Variants in GASK1A observed in about 807,000 individuals in gnomAD.
GASK1A encodes the protein golgi associated kinase 1A, also known as Golgi-associated kinase 1A.
GASK1A carries 40 observed loss-of-function variants against 41.2 expected under a neutral mutation model. That is an observed-to-expected ratio of 0.97 (90% CI 0.75 to 1.27). The LOEUF (loss-of-function observed/expected upper bound fraction) is 1.27. Ranked by LOEUF, GASK1A falls within the 50% of genes most tolerant of loss-of-function variation. The pLI is 0.00. For missense variants in GASK1A, 678 were observed against 745.1 expected (o/e 0.91, Z 1.05); for synonymous variants, 316 against 307.1 (o/e 1.03, Z -0.30).
At chr3:42,983,125 T>C (rs1243030571) in intron 1 of GASK1A, among the ~76,000 whole-genome samples, 1 of 152,132 alleles carries the variant, frequency 6.6e-6, no homozygotes, top group African/African-American at 2.4e-5. Context: ...AGGAAAGGCC[T>C]GGGGTTTGCA....
intron 1 of GASK1A, among the ~76,000 whole-genome samples, chr3:42,996,892 T>C (rs1398086589): frequency 1.3e-5 from 2 of 152,244 alleles, no homozygotes; most frequent in African/African-American, 4.8e-5. Flanking sequence ...ACTTGTGGTC[T>C]CCTTGGAGAA....
chr3:43,026,226 C>T (rs9311333), intron 1 of GASK1A, among the ~76,000 whole-genome samples: 85,586 of 152,012 alleles, frequency 0.56, 24,436 homozygotes, highest in South Asian at 0.69. Flanking sequence ...AGAGCCATGC[C>T]AACAAGCCAT....
At chr3:43,044,781 T>A (rs551580408) in intron 2 of GASK1A, among the ~76,000 whole-genome samples, 1 of 152,288 alleles carries the variant, frequency 6.6e-6, no homozygotes, top group South Asian at 2.1e-4. Context: ...GACATCTAAA[T>A]TTACATGAAA....
intron 2 of GASK1A, among the ~76,000 whole-genome samples, chr3:43,050,123 G>T (rs2089682293): frequency 6.6e-6 from 1 of 151,434 alleles, no homozygotes; most frequent in Admixed American, 6.6e-5. Flanking sequence ...GAGCTTTTTA[G>T]TTCTTGACAT....
At chr3:43,023,006 A>G (rs2089529651) in intron 1 of GASK1A, among the ~76,000 whole-genome samples, 1 of 152,186 alleles carries the variant, frequency 6.6e-6, no homozygotes, top group Non-Finnish European at 1.5e-5. Context: ...TGCTGAAAAT[A>G]ATTACCATGT....
intron 1 of GASK1A, among the ~76,000 whole-genome samples, chr3:43,011,032 T>C (rs1433417464): frequency 2.0e-5 from 3 of 152,176 alleles, no homozygotes; most frequent in Non-Finnish European, 4.4e-5. Context: ...ATCTATAGTG[T>C]TTTTAACTGT....
chr3:43,009,034 G>T (rs2089449795), intron 1 of GASK1A, among the ~76,000 whole-genome samples: 2 of 152,134 alleles, frequency 1.3e-5, no homozygotes, highest in South Asian at 4.1e-4. Flanking sequence ...TGTATGCAAG[G>T]CTCTGTTCTC....
intron 1 of GASK1A, among the ~76,000 whole-genome samples, chr3:42,983,554 G>A (rs563950949): frequency 1.8e-4 from 27 of 152,302 alleles, no homozygotes; most frequent in African/African-American, 6.5e-4. Flanking sequence ...GCTGCTGACT[G>A]GATGAGAATG....
intron 1 of GASK1A, among the ~76,000 whole-genome samples, chr3:42,999,500 G>A (rs2089397069): frequency 6.6e-6 from 1 of 152,206 alleles, no homozygotes; most frequent in Admixed American, 6.5e-5. Flanking sequence ...TCAGTGGCTG[G>A]CTCTCTCGCA....
chr3:42,997,469 G>A (rs2089383011), intron 1 of GASK1A, among the ~76,000 whole-genome samples: 3 of 151,762 alleles, frequency 2.0e-5, no homozygotes, highest in Admixed American at 6.6e-5. Context: ...TTAGAAATGG[G>A]GATAATCATA....
chr3:42,994,065 C>T (rs2089356663), intron 1 of GASK1A, among the ~76,000 whole-genome samples: 1 of 152,224 alleles, frequency 6.6e-6, no homozygotes, highest in Non-Finnish European at 1.5e-5. Context: ...CCTCCAGCCA[C>T]AAATGTGATG....
chr3:42,996,765 A>G (rs1028459138), intron 1 of GASK1A, among the ~76,000 whole-genome samples: 1 of 152,258 alleles, frequency 6.6e-6, no homozygotes, highest in East Asian at 1.9e-4. Flanking sequence ...GAGAAAGGTC[A>G]TGGTCCTGTG....
At position 43,043,388 on chromosome 3, in the gene GASK1A, A is replaced by G. The variant is rs2089647307; in HGVS notation, c.1290+9835A>G. Among the ~76,000 whole-genome samples, 8 of 152,328 alleles carry G rather than the reference A, an allele frequency of 5.3e-5. No homozygotes were observed. In the South Asian group the frequency reaches 1.7e-3, roughly 32 times the overall value. On this transcript the variant is annotated intron_variant, in intron 2 of 4. Transcript: ENST00000430121. ...GTATCCCTTCTTGGCAGACTGCAGTATCTTTTCCCATCCAGATGTCCTGTT... is the reference window on the plus strand; with the variant it reads ...GTATCCCTTCTTGGCAGACTGCAGTGTCTTTTCCCATCCAGATGTCCTGTT...
intron 1 of GASK1A, among the ~76,000 whole-genome samples, chr3:43,007,862 T>C (rs1290812545): frequency 6.6e-6 from 1 of 152,252 alleles, no homozygotes; most frequent in Non-Finnish European, 1.5e-5. Context: ...CTAGGTGACC[T>C]GATATCAGTC....
chr3:43,010,369 C>G (rs2089457604), intron 1 of GASK1A, among the ~76,000 whole-genome samples: 1 of 152,150 alleles, frequency 6.6e-6, no homozygotes, highest in Non-Finnish European at 1.5e-5. Flanking sequence ...TCAAGAAAGC[C>G]TAGTTCTTGA....
chr3:43,017,560 G>A (rs1407491933), intron 1 of GASK1A, among the ~76,000 whole-genome samples: 2 of 140,500 alleles, frequency 1.4e-5, no homozygotes, highest in African/African-American at 5.4e-5. Context: ...GTCACAGGAA[G>A]GGAGGAAGGG....
At chr3:43,020,934 A>C (rs2089519282) in intron 1 of GASK1A, among the ~76,000 whole-genome samples, 1 of 152,274 alleles carries the variant, frequency 6.6e-6, no homozygotes, top group Admixed American at 6.5e-5. Context: ...AGTAGACTGC[A>C]TCTGCAGTGC....
chr3:43,014,234 T>C (rs2089478877), intron 1 of GASK1A, among the ~76,000 whole-genome samples: 2 of 149,572 alleles, frequency 1.3e-5, no homozygotes, highest in African/African-American at 4.9e-5. Context: ...AGGAAGGTGC[T>C]GTGTGAAGCC....
intron 2 of GASK1A, among the ~76,000 whole-genome samples, chr3:43,040,026 A>G (rs2125689025): frequency 6.6e-6 from 1 of 152,308 alleles, no homozygotes; most frequent in East Asian, 1.9e-4. Flanking sequence ...TTAAAAATGT[A>G]CATTGTTAAA....
Sources: allele counts gnomAD v4.1 joint callset (sites outside exome capture counted in the v4.1 genomes callset), GRCh38; gene constraint gnomAD v4.1.1; transcripts MANE v1.5; gene names NCBI Gene and HGNC (gene_info 2026-07-23, HGNC 2026-07-21).